The following EXOC5 variants were observed in gnomAD, a reference collection of about 807,000 sequenced individuals.
EXOC5 encodes the protein exocyst complex component 5, also known as SEC10-like 1.
In EXOC5, 17 loss-of-function variants were observed where a neutral mutation model predicts 90.8. That is an observed-to-expected ratio of 0.19 (90% confidence interval 0.13 to 0.28). The LOEUF (loss-of-function observed/expected upper bound fraction) is 0.28. Ranked by LOEUF, EXOC5 falls within the 10% of genes least tolerant of loss-of-function variation. The probability of loss-of-function intolerance (pLI) is 1.00; values close to 1 mark genes in which losing one functional copy is unlikely to be tolerated. For missense variants in EXOC5, 569 were observed against 830.6 expected (o/e 0.69, Z 3.87); for synonymous variants, 260 against 270.0 (o/e 0.96, Z 0.36).
chr14:57,227,985 C>G (rs192247095), intron 12 of EXOC5, among the ~76,000 whole-genome samples: 6 of 145,146 alleles, frequency 4.1e-5, no homozygotes, highest in Admixed American at 4.1e-4. Flanking sequence ...CGTATGTAAA[C>G]TACATACAAA....
intron 1 of EXOC5, among the ~76,000 whole-genome samples, chr14:57,258,649 A>T (rs1884416399): frequency 6.6e-6 from 1 of 152,216 alleles, no homozygotes. Context: ...ATACCTACGT[A>T]ACAAACCTGT....
chr14:57,218,114 T>C, intron 14 of EXOC5, 46 bp from the exon 15 acceptor site: 1 of 988,730 alleles, frequency 1.0e-6, no homozygotes, highest in Non-Finnish European at 1.6e-6. Flanking sequence ...AATAGTCTAA[T>C]ATTTTCTAAA....
intron 12 of EXOC5, among the ~76,000 whole-genome samples, chr14:57,226,885 G>A (rs763555258): frequency 1.5e-4 from 23 of 152,042 alleles, no homozygotes; most frequent in Non-Finnish European, 3.2e-4. Flanking sequence ...GAAAACATAG[G>A]AGGAAAACTT....
chr14:57,250,372 T>C (rs1191496151), intron 1 of EXOC5, among the ~76,000 whole-genome samples: 1 of 152,156 alleles, frequency 6.6e-6, no homozygotes, highest in Non-Finnish European at 1.5e-5. Flanking sequence ...AAAGGCCAGG[T>C]TCTCAAGAAG....
chr14:57,240,274 G>A (rs1883820515), intron 4 of EXOC5, among the ~76,000 whole-genome samples: 2 of 149,370 alleles, frequency 1.3e-5, no homozygotes, highest in African/African-American at 4.9e-5. Context: ...TAAGGCCACA[G>A]ATATCTTGTG....
Position 57,209,778 on chromosome 14 carries a change from CAGGCCTATA to C in EXOC5, c.1723-5_1726del. The stretch of plus-strand genomic sequence containing the variant: ...TCTTACGTAAGCACAGACTTTTACA[CAGGCCTATA>C]AAAGTTTTTCTACACTCATTACACA... On this transcript the variant is annotated splice_acceptor_variant and splice_polypyrimidine_tract_variant and coding_sequence_variant and intron_variant, in exon 17 of 18. Coordinates refer to ENST00000621441, the MANE Select transcript of EXOC5 (RefSeq NM_006544.4). LOFTEE classifies it high-confidence loss of function. The C allele has an allele frequency of 6.2e-7, 1 of 1,604,840 alleles. No individual in the cohort carries two copies. The highest frequency in any genetic ancestry group is 8.5e-7 in the Non-Finnish European group (1 of 1,174,030).
intron 5 of EXOC5, among the ~76,000 whole-genome samples, chr14:57,238,318 G>A (rs1883734174): frequency 8.0e-6 from 1 of 124,232 alleles, no homozygotes; most frequent in South Asian, 2.7e-4. Context: ...TCTTCACCAA[G>A]CCTTGGAGTT....
rs549397451 is a variant in EXOC5, at chr14:57,245,587, T to C, written c.270+1124A>G. Among the ~76,000 whole-genome samples the C allele has an allele frequency of 9.2e-5, 14 of 152,320 alleles. No homozygotes were observed. The South Asian group carries it at 1.0e-3, about 11-fold the overall frequency. On this transcript the variant is annotated intron_variant, in intron 3 of 17. Transcript: ENST00000621441. ...AAACTGTCACCTTAACTCTTAAAAATGCATTCCTTATCTTAAATTACTGAC... is the reference window on the plus strand; with the variant it reads ...AAACTGTCACCTTAACTCTTAAAAACGCATTCCTTATCTTAAATTACTGAC...
At chr14:57,223,493 G>C (rs1234844195) in intron 12 of EXOC5, among the ~76,000 whole-genome samples, 2 of 151,734 alleles carry the variant, frequency 1.3e-5, no homozygotes, top group Non-Finnish European at 2.9e-5. Flanking sequence ...TTCCTTCCTG[G>C]TCTTATTAAT....
intron 1 of EXOC5, among the ~76,000 whole-genome samples, chr14:57,267,444 T>C (rs1010961948): frequency 1.3e-5 from 2 of 152,194 alleles, no homozygotes; most frequent in African/African-American, 4.8e-5. Context: ...TTATTAAAAC[T>C]GTGGCATTCA....
At chr14:57,261,243 A>T (rs1455303251) in intron 1 of EXOC5, among the ~76,000 whole-genome samples, 1 of 152,196 alleles carries the variant, frequency 6.6e-6, no homozygotes, top group Non-Finnish European at 1.5e-5. Flanking sequence ...TAAGAGAACA[A>T]GGCAATCAAT....
chr14:57,235,172 T>C (rs980222086), intron 7 of EXOC5, among the ~76,000 whole-genome samples: 2 of 152,148 alleles, frequency 1.3e-5, no homozygotes, highest in East Asian at 3.8e-4. Context: ...AAGAAACAGA[T>C]TGAAGGAAGA....
chr14:57,209,447 T>A (rs1939607668), intron 17 of EXOC5, 120 bp downstream of exon 17: 3 of 579,102 alleles, frequency 5.2e-6, no homozygotes, highest in Non-Finnish European at 9.2e-6. Flanking sequence ...ATAATCTATC[T>A]CATACAATAT....
intron 14 of EXOC5, 104 bp from the exon 15 acceptor site, chr14:57,218,172 T>C (rs997661008): frequency 3.4e-6 from 2 of 587,392 alleles, no homozygotes; most frequent in South Asian, 2.5e-5. Context: ...TTTATAAATA[T>C]ATCCATATAT....
intron 12 of EXOC5, among the ~76,000 whole-genome samples, chr14:57,223,072 G>C (rs976593820): frequency 5.3e-5 from 8 of 151,968 alleles, no homozygotes; most frequent in African/African-American, 1.9e-4. Flanking sequence ...TTCTTCATTT[G>C]TAAGATGGGA....
In EXOC5 at chr14:57,208,146, C is replaced by T. The variant is rs1387042353; in HGVS notation, c.*463G>A. 6.5e-6 allele frequency: 1 copy of T among 152,868 alleles called. No individual in the cohort carries two copies. The highest frequency in any genetic ancestry group is 2.4e-5 in the African/African-American group (1 of 41,446). 9.5% of individuals were successfully genotyped at this position (152,868 alleles called of 1,614,324 possible). ...CGAAAACCTAAAATAATCTGATTAA[C>T]AATTGATGCTGAAAAGGTCATTAAA... On this transcript the variant is annotated 3_prime_UTR_variant, in exon 18 of 18. Transcript: ENST00000621441.
chr14:57,238,617 A>G (rs991346464), intron 5 of EXOC5, among the ~76,000 whole-genome samples: 12 of 151,808 alleles, frequency 7.9e-5, no homozygotes, highest in Non-Finnish European at 1.8e-4. Flanking sequence ...GTATTACAGT[A>G]AGTTAAATCA....
intron 4 of EXOC5, chr14:57,243,568 A>AT (rs1566501068): frequency 6.6e-6 from 1 of 152,232 alleles, no homozygotes; most frequent in Non-Finnish European, 1.5e-5. Flanking sequence ...AGTGAGCTAA[A>AT]TTACCTTCTT....
At chr14:57,259,898 T>A (rs1179736944) in intron 1 of EXOC5, among the ~76,000 whole-genome samples, 2 of 152,196 alleles carry the variant, frequency 1.3e-5, no homozygotes, top group African/African-American at 4.8e-5. Context: ...AAACACTAGC[T>A]AGTTGGGGCC....
Sources: allele counts gnomAD v4.1 joint callset (sites outside exome capture counted in the v4.1 genomes callset), GRCh38; gene constraint gnomAD v4.1.1; transcripts MANE v1.5; gene names NCBI Gene and HGNC (gene_info 2026-07-23, HGNC 2026-07-21).